The following DNM2 variants were observed in gnomAD, a reference collection of about 807,000 sequenced individuals.
The protein encoded by DNM2 is dynamin 2.
Under a neutral mutation model 99.0 loss-of-function variants are expected in DNM2, and 15 were observed. The observed-to-expected ratio is 0.15, with a 90% CI of 0.10 to 0.23. The LOEUF (loss-of-function observed/expected upper bound fraction) is 0.23. Ranked by LOEUF, DNM2 falls within the 10% of genes least tolerant of loss-of-function variation. The pLI is 1.00. For synonymous variants in DNM2, 525 were observed against 481.2 expected, an observed-to-expected ratio of 1.09 and a Z score of -1.19; for missense variants, 742 against 1,189.4, an observed-to-expected ratio of 0.62 and a Z score of 5.53.
At chr19:10,776,092 G>A (rs2071144172) in intron 4 of DNM2, among the ~76,000 whole-genome samples, 186 bp downstream of exon 4, 1 of 152,114 alleles carries the variant, frequency 6.6e-6, no homozygotes, top group African/African-American at 2.4e-5. Flanking sequence ...GGAAGTCACT[G>A]TGTGGCAGTT....
rs2072525418 is a variant in DNM2 at position 10,811,061 on chromosome 19, T to C, written c.1558-1203T>C. ...CTGCTCCAAACAACTGTGAGAGTCC[T>C]GTCTGCTCATCCCAGGGAGGGATAA... On this transcript the variant is annotated intron_variant, in intron 14 of 20. Coordinates refer to ENST00000389253, the MANE Select transcript of DNM2 (RefSeq NM_001005361.3). This position sits in a 1 kb window ranked among gnomAD's most constrained non-coding sequence, Gnocchi z 5.4. The C allele has an allele frequency of 6.6e-6, 1 of 152,484 alleles. No homozygotes were observed. The highest frequency in any genetic ancestry group is 6.5e-5 in the Admixed American group (1 of 15,288). The allele number at this position is 152,484 out of a possible 1,614,324, so 9.4% of individuals were successfully genotyped here.
chr19:10,747,613 T>G (rs564480083), intron 1 of DNM2, among the ~76,000 whole-genome samples: 1 of 152,308 alleles, frequency 6.6e-6, no homozygotes, highest in East Asian at 1.9e-4. Flanking sequence ...ATGGCAGATT[T>G]GGCCCATTGT....
chr19:10,758,690 G>T (rs2070510632), intron 1 of DNM2, among the ~76,000 whole-genome samples: 1 of 151,388 alleles, frequency 6.6e-6, no homozygotes, highest in South Asian at 2.1e-4. Context: ...GGGATTACAG[G>T]CGTGTGCCAC....
Position 10,791,575 on chromosome 19 carries a change from C to G in DNM2, c.993-2145C>G, listed in dbSNP as rs568719358. 1.5e-4 allele frequency among the ~76,000 whole-genome samples: 23 copies of G among 152,300 alleles called. 1 individual carries two copies. The highest frequency in any genetic ancestry group is 4.8e-4 in the African/African-American group (20 of 41,568). ...GCCGGTCACAATTGTCCAGAATGCT[C>G]TGATTGTGCAGCGTGGGTTGGGCCT... is the stretch of plus-strand genomic sequence containing the variant. On this transcript the variant is annotated intron_variant, in intron 7 of 20. Transcript: ENST00000389253.
At chr19:10,773,427 G>A (rs556658311) in intron 3 of DNM2, among the ~76,000 whole-genome samples, 41 of 146,930 alleles carry the variant, frequency 2.8e-4, no homozygotes, top group African/African-American at 9.3e-4. Flanking sequence ...GATTACAGAC[G>A]TGAGCCGCCG....
chr19:10,735,851 A>G (rs747150164), intron 1 of DNM2, among the ~76,000 whole-genome samples: 14 of 151,954 alleles, frequency 9.2e-5, no homozygotes, highest in Non-Finnish European at 1.5e-4. Context: ...CTTTCTCCCT[A>G]AAGTTGCTTT....
intron 1 of DNM2, among the ~76,000 whole-genome samples, chr19:10,732,433 T>C (rs1005693546): frequency 2.0e-5 from 3 of 151,084 alleles, no homozygotes; most frequent in Non-Finnish European, 4.4e-5. Context: ...ACCCCACCTC[T>C]ACTAAAAATA....
rs779023952 is a variant in DNM2, at chr19:10,817,423, C to T, written c.1672-2557C>T. Reference sequence around the variant, plus strand: ...GTCTCGACGAGCCGCTCACCCAAGCCCAGCCTAACCAATGTGCAGACTACT... The same window carrying T: ...GTCTCGACGAGCCGCTCACCCAAGCTCAGCCTAACCAATGTGCAGACTACT... On this transcript the variant is annotated intron_variant, in intron 15 of 20. Coordinates refer to ENST00000389253, the MANE Select transcript of DNM2 (RefSeq NM_001005361.3). The surrounding 1 kb of genome is among the most constrained non-coding windows in gnomAD (Gnocchi z 4.6). 5 of 512,864 alleles carry T rather than the reference C, an allele frequency of 9.7e-6. No individual in the cohort carries two copies. The highest frequency in any genetic ancestry group is 2.0e-5 in the Non-Finnish European group (5 of 249,606). 31.8% of individuals were successfully genotyped at this position (512,864 alleles called of 1,614,324 possible). A position where few individuals can be genotyped will look rare whatever the true frequency, so the allele number is the denominator to read the frequency against.
At chr19:10,789,741 G>A (rs2145992885) in intron 7 of DNM2, among the ~76,000 whole-genome samples, 1 of 152,232 alleles carries the variant, frequency 6.6e-6, no homozygotes, top group South Asian at 2.1e-4. Context: ...GGCTAAAGCA[G>A]GACAATCACT....
chr19:10,742,319 A>G (rs969155053), intron 1 of DNM2, among the ~76,000 whole-genome samples: 2 of 152,134 alleles, frequency 1.3e-5, no homozygotes, highest in Non-Finnish European at 2.9e-5. Context: ...GGTGCCAAGA[A>G]GAAGGGTCTG....
At chr19:10,740,862 A>G (rs1388957212) in intron 1 of DNM2, among the ~76,000 whole-genome samples, 2 of 152,112 alleles carry the variant, frequency 1.3e-5, no homozygotes, top group Non-Finnish European at 2.9e-5. Context: ...TCATTTCTAT[A>G]TATTTGAGAA....
chr19:10,782,553 T>A (rs958685791), intron 5 of DNM2, among the ~76,000 whole-genome samples: 1 of 150,490 alleles, frequency 6.6e-6, no homozygotes. Context: ...AGAGGCGGGG[T>A]TTCACCATGC....
chr19:10,728,572 G>A (rs1161639495), intron 1 of DNM2, among the ~76,000 whole-genome samples: 3 of 152,042 alleles, frequency 2.0e-5, no homozygotes, highest in African/African-American at 7.2e-5. Flanking sequence ...CCTGCGTGTG[G>A]TAAGCAGCAA....
chr19:10,730,114 T>C (rs1332197326), intron 1 of DNM2, among the ~76,000 whole-genome samples: 2 of 152,168 alleles, frequency 1.3e-5, no homozygotes, highest in Non-Finnish European at 2.9e-5. Context: ...TCCTTTCACG[T>C]TGGCCCCCCA....
intron 1 of DNM2, among the ~76,000 whole-genome samples, chr19:10,740,389 T>TTG (rs1555699199): frequency 1.3e-5 from 2 of 151,844 alleles, no homozygotes; most frequent in Admixed American, 6.6e-5. Context: ...TTGTTTTTTT[T>TTG]TTTTGAGACG....
At chr19:10,770,644 C>CACATG in intron 2 of DNM2, among the ~76,000 whole-genome samples, 1 of 152,146 alleles carries the variant, frequency 6.6e-6, no homozygotes, top group Non-Finnish European at 1.5e-5. Flanking sequence ...CTGGGGAAGC[C>CACATG]CCACAATCAT....
At position 10,718,109 on chromosome 19, in the gene DNM2, C is replaced by G. The variant is rs1568258122; in HGVS notation, c.-134C>G. On this transcript the variant is annotated 5_prime_UTR_variant, in exon 1 of 21. Transcript: ENST00000389253. ...CCGGATGAGGCGGCGACCGTGAGGCCGAGCCGGGAGCGGGCGTCTTGCCGA... is the reference window on the plus strand; with the variant it reads ...CCGGATGAGGCGGCGACCGTGAGGCGGAGCCGGGAGCGGGCGTCTTGCCGA... 9.3e-7 allele frequency: 1 copy of G among 1,074,520 alleles called. No homozygotes were observed. The highest frequency in any genetic ancestry group is 1.7e-5 in the African/African-American group (1 of 60,084). 66.6% of individuals were successfully genotyped at this position (1,074,520 alleles called of 1,614,324 possible).
chr19:10,773,943 A>G (rs1439907787), intron 3 of DNM2, among the ~76,000 whole-genome samples: 1 of 152,132 alleles, frequency 6.6e-6, no homozygotes, highest in Non-Finnish European at 1.5e-5. Context: ...CTGCATTCAA[A>G]CAGCAGCCCG....
chr19:10,751,613 C>T (rs934661504), intron 1 of DNM2, among the ~76,000 whole-genome samples: 22 of 152,124 alleles, frequency 1.4e-4, no homozygotes, highest in African/African-American at 4.8e-4. Context: ...CAGTCCAGGC[C>T]GAGGGTGAAT....
Sources: allele counts gnomAD v4.1 joint callset (sites outside exome capture counted in the v4.1 genomes callset), GRCh38; gene constraint gnomAD v4.1.1; non-coding constraint Gnocchi (gnomAD v3.1); transcripts MANE v1.5; gene names NCBI Gene and HGNC (gene_info 2026-07-23, HGNC 2026-07-21).